The following GCNT4 variants were observed in gnomAD, a reference collection of about 807,000 sequenced individuals.
GCNT4 encodes glucosaminyl (N-acetyl) transferase 4, also known as beta-1,3-galactosyl-O-glycosyl-glycoprotein beta-1,6-N-acetylglucosaminyltransferase 4.
A neutral mutation model predicts 31.3 loss-of-function variants in GCNT4; 17 were observed. The ratio of observed to expected loss-of-function variants is 0.54; its 90% CI spans 0.37 to 0.81. The LOEUF (loss-of-function observed/expected upper bound fraction) is 0.81, where lower values mean the gene tolerates loss of function less well. Ranked by LOEUF, GCNT4 falls within the 40% of genes least tolerant of loss-of-function variation. The probability of loss-of-function intolerance (pLI) is 0.00; values close to 1 mark genes in which losing one functional copy is unlikely to be tolerated. For synonymous variants in GCNT4, 158 were observed against 190.6 expected (o/e 0.83, Z 1.41); for missense variants, 503 against 525.5 (o/e 0.96, Z 0.42).
At chr5:75,024,497 A>G (rs1014401127), downstream of GCNT4, among the ~76,000 whole-genome samples, 1 of 152,146 alleles carries the variant, frequency 6.6e-6, no homozygotes, top group African/African-American at 2.4e-5. Flanking sequence ...GAAATGGTGA[A>G]AGAAAAATGG....
chr5:75,018,017 G>C, the GCNT4 span, among the ~76,000 whole-genome samples: 1 of 152,074 alleles, frequency 6.6e-6, no homozygotes, highest in Admixed American at 6.6e-5. Flanking sequence ...AGCAACTCAG[G>C]CCCAATCCCA....
intron 3 of GCNT4, chr5:75,030,680 T>G (rs1204571412): frequency 1.2e-5 from 2 of 167,118 alleles, no homozygotes; most frequent in African/African-American, 4.8e-5. Flanking sequence ...GGATTAGCAA[T>G]TTAGCCCTTA....
chr5:75,037,656 C>T (rs1181225303), intron 3 of GCNT4, among the ~76,000 whole-genome samples: 1 of 152,090 alleles, frequency 6.6e-6, no homozygotes. Flanking sequence ...GAGTGCAGAT[C>T]ACCTGAGATC....
Position 75,028,842 on chromosome 5 carries a change from C to G in GCNT4, c.1196G>C (p.Arg399Thr), listed in dbSNP as rs1382336697. 6.2e-7 allele frequency: 1 copy of G among 1,613,930 alleles called. No homozygotes were observed. Among genetic ancestry groups the G allele is most frequent in the Admixed American group, 1.7e-5 (1 of 60,000 alleles). ...SVCIYGAAEL[R>T]WLIKDGHWFA... is the part of the protein sequence containing the mutation. Reference sequence around the variant, plus strand: ...CCAATGTCCATCTTTGATAAGCCACCTTAATTCTGCAGCTCCATAAATACA... The same window carrying G: ...CCAATGTCCATCTTTGATAAGCCACGTTAATTCTGCAGCTCCATAAATACA... Residue 399 changes from arginine to threonine, a missense_variant, in exon 4 of 4, where the codon AGG becomes ACG. Transcript: ENST00000652361.
At position 75,026,163 on chromosome 5, in the gene GCNT4, A is replaced by G. The variant is rs1291726167; in HGVS notation, c.*2513T>C. ...ATGTTCCCTTTGAATACGGCATTTA[A>G]GTGATGAACAACTTTGGAAATTTCC... On this transcript the variant is annotated 3_prime_UTR_variant, in exon 4 of 4. Coordinates refer to ENST00000652361, the MANE Select transcript of GCNT4 (RefSeq NM_001366737.1). 1 of 152,204 alleles carries G rather than the reference A, an allele frequency of 6.6e-6. No individual in the cohort carries two copies. The highest frequency in any genetic ancestry group is 1.5e-5 in the Non-Finnish European group (1 of 68,036). 9.4% of individuals were successfully genotyped at this position (152,204 alleles called of 1,614,324 possible). A position where few individuals can be genotyped will look rare whatever the true frequency, so the allele number is the denominator to read the frequency against.
At chr5:75,045,932 G>GTT (rs376030744) in intron 3 of GCNT4, among the ~76,000 whole-genome samples, 30 of 145,118 alleles carry the variant, frequency 2.1e-4, no homozygotes, top group African/African-American at 7.5e-4. Flanking sequence ...ATTTGGAAAT[G>GTT]TTTTTTTTTT....
chr5:75,022,877 T>A (rs1181370401), downstream of GCNT4, among the ~76,000 whole-genome samples: 1 of 152,214 alleles, frequency 6.6e-6, no homozygotes, highest in Non-Finnish European at 1.5e-5. Context: ...ATTTCAGCTA[T>A]AACAAACATT....
At chr5:75,053,153 G>A (rs1253932011), upstream of GCNT4, among the ~76,000 whole-genome samples, 1 of 151,832 alleles carries the variant, frequency 6.6e-6, no homozygotes, top group Non-Finnish European at 1.5e-5. Context: ...GAACTTCCCC[G>A]CGTCTGGCCG....
intron 3 of GCNT4, among the ~76,000 whole-genome samples, chr5:75,040,360 G>C (rs1218514224): frequency 6.6e-6 from 1 of 152,010 alleles, no homozygotes; most frequent in East Asian, 1.9e-4. Flanking sequence ...TACTTGTTTA[G>C]TACCTGTCCT....
At chr5:75,050,784 C>G (rs1362607340) in intron 2 of GCNT4, among the ~76,000 whole-genome samples, 1 of 152,222 alleles carries the variant, frequency 6.6e-6, no homozygotes, top group African/African-American at 2.4e-5. Context: ...CTCTCCAGAG[C>G]CGGCCTTGAA....
At position 75,028,851 on chromosome 5, in the gene GCNT4, G is replaced by A. The variant is rs769934032; in HGVS notation, c.1187C>T (p.Ala396Val). The change falls in exon 4 of 4, where the codon GCA becomes GTA. Residue 396 changes from alanine (A) to valine (V), a missense_variant. Coordinates refer to ENST00000652361, the MANE Select transcript of GCNT4 (RefSeq NM_001366737.1). ...HLRSVCIYGA[A>V]ELRWLIKDGH... is the part of the protein sequence containing the mutation. ...ATCTTTGATAAGCCACCTTAATTCT[G>A]CAGCTCCATAAATACACACGCTTCG... The A allele has an allele frequency of 6.2e-7, 1 of 1,614,058 alleles. No individual in the cohort carries two copies. Among genetic ancestry groups the A allele is most frequent in the Non-Finnish European group, 8.5e-7 (1 of 1,180,000 alleles).
intron 3 of GCNT4, among the ~76,000 whole-genome samples, chr5:75,045,971 T>C (rs935206151): frequency 1.3e-5 from 2 of 152,200 alleles, no homozygotes; most frequent in Admixed American, 6.5e-5. Flanking sequence ...GCCATGATGT[T>C]GAATGGATGT....
At chr5:75,037,900 C>CAA (rs200998686) in intron 3 of GCNT4, among the ~76,000 whole-genome samples, 2 of 125,478 alleles carry the variant, frequency 1.6e-5, no homozygotes, top group Middle Eastern at 3.6e-3. Context: ...AAACAAAAAA[C>CAA]AAAAAAAACA....
At chr5:75,046,608 G>C (rs555192394) in intron 3 of GCNT4, among the ~76,000 whole-genome samples, 2 of 152,128 alleles carry the variant, frequency 1.3e-5, no homozygotes, top group Non-Finnish European at 2.9e-5. Context: ...GACAAGCCCG[G>C]GCACAGCCAA....
upstream of GCNT4, among the ~76,000 whole-genome samples, chr5:75,053,326 C>CGCGGCTCCGAGAGG (rs1431007767): frequency 6.6e-6 from 1 of 151,998 alleles, no homozygotes; most frequent in Non-Finnish European, 1.5e-5. Context: ...CGGTTCCCCG[C>CGCGGCTCCGAGAGG]GCGGCTCCGA....
the GCNT4 span, among the ~76,000 whole-genome samples, chr5:75,020,121 G>C: frequency 2.6e-5 from 4 of 152,326 alleles, no homozygotes; most frequent in East Asian, 7.7e-4. Context: ...GGACATCCAG[G>C]CCAGAGTGAC....
Position 75,029,466 on chromosome 5 carries a change from T to C in GCNT4, c.572A>G (p.Lys191Arg), listed in dbSNP as rs199746040. 1.9e-6 allele frequency: 3 copies of C among 1,614,088 alleles called. No individual in the cohort carries two copies. The African/African-American group carries it at 4.0e-5, about 22-fold the overall frequency. The change falls in exon 4 of 4, where the codon AAA becomes AGA. Residue 191 changes from lysine (K) to arginine (R), a missense_variant. Physicochemically the swap from Lys to Arg is conservative, Grantham distance 26. Coordinates refer to ENST00000652361, the MANE Select transcript of GCNT4 (RefSeq NM_001366737.1). ...KCFSNIFIAS[K>R]LEAVEYAHIS... ...GTGGGCATATTCCACAGCCTCTAAT[T>C]TGGAAGCAATGAAAATATTGGAGAA...
Position 75,028,550 on chromosome 5 carries a change from G to T in GCNT4, c.*126C>A. On this transcript the variant is annotated 3_prime_UTR_variant, in exon 4 of 4. Coordinates refer to ENST00000652361, the MANE Select transcript of GCNT4 (RefSeq NM_001366737.1). Reference sequence around the variant, plus strand: ...GGCTAGATCACTTTCCCTTGTGTATGGAATTTTGGACACCTTTTAAAATAT... The same window carrying T: ...GGCTAGATCACTTTCCCTTGTGTATTGAATTTTGGACACCTTTTAAAATAT... 2 of 876,886 alleles carry T rather than the reference G, an allele frequency of 2.3e-6. No homozygotes were observed. Among genetic ancestry groups the T allele is most frequent in the African/African-American group, 1.7e-5 (1 of 58,588 alleles). 54.3% of individuals were successfully genotyped at this position (876,886 alleles called of 1,614,324 possible). A position where few individuals can be genotyped will look rare whatever the true frequency, so the allele number is the denominator to read the frequency against.
chr5:75,030,480 CT>C (rs1452804396), intron 3 of GCNT4: 1 of 171,648 alleles, frequency 5.8e-6, no homozygotes, highest in Non-Finnish European at 1.4e-5. Flanking sequence ...CTCCAGATCC[CT>C]ATTAGATCCA....
Sources: gnomAD v4.1 joint callset for allele counts (sites outside exome capture counted in the v4.1 genomes callset) on GRCh38, gnomAD v4.1.1 for gene constraint, MANE v1.5 for transcripts, NCBI Gene and HGNC (gene_info 2026-07-23, HGNC 2026-07-21) for gene names.